Variants in RB1CC1 observed in about 807,000 individuals in gnomAD.
The protein encoded by RB1CC1 is RB1 inducible coiled-coil 1.
In RB1CC1, 46 loss-of-function variants were observed where a neutral mutation model predicts 177.5. The observed-to-expected ratio is 0.26, with a 90% confidence interval of 0.20 to 0.33. RB1CC1 has a LOEUF of 0.33. Ranked by LOEUF, RB1CC1 falls within the 10% of genes least tolerant of loss-of-function variation. The pLI, the probability that RB1CC1 is intolerant of heterozygous loss-of-function variation, is 1.00. For synonymous variants in RB1CC1, 666 were observed against 613.6 expected (o/e 1.09, Z -1.26); for missense variants, 1,703 against 1,816.3 (o/e 0.94, Z 1.13).
intron 1 of RB1CC1, among the ~76,000 whole-genome samples, chr8:52,709,132 G>A (rs1275836001): frequency 2.6e-5 from 4 of 151,832 alleles, no homozygotes; most frequent in East Asian, 1.9e-4. Flanking sequence ...GCTTGAACCC[G>A]GGAGTCAGAG....
Position 52,656,843 on chromosome 8 carries a change from G to C in RB1CC1, c.2986C>G (p.Gln996Glu). 6.2e-7 allele frequency: 1 copy of C among 1,613,710 alleles called. No homozygotes were observed. The highest frequency in any genetic ancestry group is 1.7e-4 in the Middle Eastern group (1 of 6,060). Residue 996 changes from glutamine to glutamate, a missense_variant, in exon 15 of 24, where the codon CAG (glutamine) becomes GAG (glutamate). Gln to Glu is a conservative substitution (Grantham distance 29). Coordinates refer to ENST00000025008, the MANE Select transcript of RB1CC1 (RefSeq NM_014781.5). Reference sequence around the variant, plus strand: ...TCAAACTCTTGTATGTGCCTAACCTGAAGTGTGTCCTCTAATTCCTTTAGA... The same window carrying C: ...TCAAACTCTTGTATGTGCCTAACCTCAAGTGTGTCCTCTAATTCCTTTAGA... Reference protein sequence around the residue: ...SHLKELEDTLQVRHIQEFEKV... With the variant: ...SHLKELEDTLEVRHIQEFEKV...
intron 11 of RB1CC1, 49 bp from the exon 12 acceptor site, chr8:52,660,706 C>T (rs1355767938): frequency 2.0e-6 from 3 of 1,482,718 alleles, no homozygotes; most frequent in Admixed American, 4.4e-5. Flanking sequence ...TTATTTAAGG[C>T]AAAAAATTAT....
intron 1 of RB1CC1, among the ~76,000 whole-genome samples, chr8:52,699,858 T>TATATATATATATATATATATATAC (rs756226534): frequency 3.9e-5 from 4 of 102,792 alleles, no homozygotes; most frequent in East Asian, 3.8e-4. Flanking sequence ...TATATATATA[T>TATATATATATATATATATATATAC]ACACACAAAA....
At chr8:52,686,616 T>C (rs1854297079) in intron 2 of RB1CC1, among the ~76,000 whole-genome samples, 1 of 152,118 alleles carries the variant, frequency 6.6e-6, no homozygotes, top group Non-Finnish European at 1.5e-5. Context: ...TGGTCTAGCA[T>C]TTTACTTTCA....
intron 7 of RB1CC1, among the ~76,000 whole-genome samples, chr8:52,672,217 C>A (rs192790510): frequency 1.3e-5 from 2 of 152,128 alleles, no homozygotes; most frequent in Non-Finnish European, 2.9e-5. Flanking sequence ...TCTTACCTCA[C>A]GTGATCCTCT....
intron 1 of RB1CC1, among the ~76,000 whole-genome samples, chr8:52,702,087 C>T (rs1468676183): frequency 6.6e-6 from 1 of 152,146 alleles, no homozygotes; most frequent in Non-Finnish European, 1.5e-5. Context: ...GGATTACAGG[C>T]GTGAGCCACC....
At chr8:52,665,564 G>C (rs1851995150) in intron 8 of RB1CC1, among the ~76,000 whole-genome samples, 1 of 152,110 alleles carries the variant, frequency 6.6e-6, no homozygotes, top group Admixed American at 6.5e-5. Context: ...ACCAAAAGAA[G>C]TATGGTTAAA....
chr8:52,666,554 C>T lies in RB1CC1; in HGVS notation c.1173+1467G>A, dbSNP rs4463443. 1.4e-4 allele frequency among the ~76,000 whole-genome samples: 21 copies of T among 151,150 alleles called. No individual in the cohort carries two copies. The East Asian group carries it at 3.1e-3, about 22-fold the overall frequency. ...AAAAGAAAGAAAGAAAGAAACACCA[C>T]CAAATATAAACAGACACACAGGAAC... On this transcript the variant is annotated intron_variant, in intron 8 of 23. Coordinates refer to ENST00000025008, the MANE Select transcript of RB1CC1 (RefSeq NM_014781.5).
At position 52,658,918 on chromosome 8, in the gene RB1CC1, T is replaced by C. The variant is rs1297210394; in HGVS notation, c.1748A>G (p.Gln583Arg). The C allele has an allele frequency of 3.1e-6, 5 of 1,589,712 alleles. No homozygotes were observed. The highest frequency in any genetic ancestry group is 3.4e-6 in the Non-Finnish European group (4 of 1,169,180). The change falls in exon 13 of 24, where the codon CAG becomes CGG. Residue 583 changes from glutamine (Q) to arginine (R), a missense_variant. Gln to Arg is a conservative substitution (Grantham distance 43, BLOSUM62 1). Transcript: ENST00000025008. Reference protein sequence around the residue: ...ELPDISLKDLQFLQSFCPSEV... With the variant: ...ELPDISLKDLRFLQSFCPSEV... ...CGAAGGACAAAATGATTGCAGAAAC[T>C]GTAAATCTTTTAATGAAATATCTGG...
chr8:52,637,674 T>A (rs1849255440), intron 18 of RB1CC1, among the ~76,000 whole-genome samples: 1 of 151,964 alleles, frequency 6.6e-6, no homozygotes, highest in Admixed American at 6.6e-5. Context: ...TTTATTTATT[T>A]ATTTATTTAT....
chr8:52,647,806 G>C (rs1850187917), intron 15 of RB1CC1, among the ~76,000 whole-genome samples: 1 of 152,294 alleles, frequency 6.6e-6, no homozygotes, highest in Admixed American at 6.5e-5. Context: ...GTTTGGTCTA[G>C]AGAATGATAT....
intron 15 of RB1CC1, among the ~76,000 whole-genome samples, chr8:52,651,359 A>T (rs925123230): frequency 2.0e-5 from 3 of 152,266 alleles, no homozygotes; most frequent in Admixed American, 1.3e-4. Flanking sequence ...CCATTCATTT[A>T]TATAGTCTCA....
chr8:52,627,931 A>T, intron 22 of RB1CC1, 101 bp downstream of exon 22: 2 of 1,048,580 alleles, frequency 1.9e-6, no homozygotes, highest in Non-Finnish European at 2.6e-6. Flanking sequence ...GTTCCCTCTT[A>T]GTGACTTAAT....
At chr8:52,631,598 C>T (rs971349866) in intron 20 of RB1CC1, among the ~76,000 whole-genome samples, 10 of 152,150 alleles carry the variant, frequency 6.6e-5, no homozygotes, top group African/African-American at 2.4e-4. Flanking sequence ...CACTGAGCAA[C>T]CCTTGCTGAC....
rs1849974030 is a variant in RB1CC1 at position 52,645,865 on chromosome 8, G to A, written c.3824C>T (p.Pro1275Leu). ...KHLENQIAKS[P>L]AIDSTRGDSS... ...ATCTCCTCTGGTAGAGTCAATGGCA[G>A]GACTTACAAATTAAATACAGCATTA... The change falls in exon 16 of 24, where the codon CCT becomes CTT. Residue 1275 changes from proline (P) to leucine (L), a missense_variant and splice_region_variant. By Grantham distance (98) the Pro-to-Leu change is moderately conservative (BLOSUM62 -3). Coordinates refer to ENST00000025008, the MANE Select transcript of RB1CC1 (RefSeq NM_014781.5). The A allele has an allele frequency of 7.0e-6, 11 of 1,579,874 alleles. No individual in the cohort carries two copies. Among genetic ancestry groups the A allele is most frequent in the East Asian group, 4.6e-5 (2 of 43,694 alleles).
In RB1CC1 at chr8:52,714,126, G is replaced by A. The variant is rs1325863324; in HGVS notation, c.-218C>T. ...GGCAGCAGCAGAGCCAGCGACCCCC[G>A]GCACCATCTTCCGCCGCCGCCTAGT... On this transcript the variant is annotated 5_prime_UTR_variant, in exon 1 of 24. Coordinates refer to ENST00000025008, the MANE Select transcript of RB1CC1 (RefSeq NM_014781.5). 9.3e-6 allele frequency: 3 copies of A among 324,126 alleles called. No homozygotes were observed. The highest frequency in any genetic ancestry group is 5.6e-4 in the Middle Eastern group (1 of 1,782). 20.1% of individuals were successfully genotyped at this position (324,126 alleles called of 1,614,324 possible).
At chr8:52,676,772 T>A (rs1027810395) in intron 5 of RB1CC1, among the ~76,000 whole-genome samples, 1 of 152,164 alleles carries the variant, frequency 6.6e-6, no homozygotes, top group Non-Finnish European at 1.5e-5. Context: ...CGAGCAGGTA[T>A]CCTAAGAGAC....
At chr8:52,701,498 C>A (rs990840415) in intron 1 of RB1CC1, among the ~76,000 whole-genome samples, 1 of 152,160 alleles carries the variant, frequency 6.6e-6, no homozygotes, top group African/African-American at 2.4e-5. Context: ...ACACTCTGAT[C>A]CAGTCAAAAC....
Position 52,653,694 on chromosome 8 carries a change from G to C in RB1CC1, c.3821+2314C>G, listed in dbSNP as rs147197346. Among the ~76,000 whole-genome samples the C allele has an allele frequency of 2.7e-3, 410 of 152,272 alleles. 1 individual carries two copies. Among genetic ancestry groups the C allele is most frequent in the Non-Finnish European group, 4.9e-3 (334 of 68,018 alleles). On this transcript the variant is annotated intron_variant, in intron 15 of 23. Coordinates refer to ENST00000025008, the MANE Select transcript of RB1CC1 (RefSeq NM_014781.5). ...AAGCTGAATAACCCTTATCGGAAAT[G>C]CTTGGCAGCAGAAGTGGTCTGAATT... is the stretch of plus-strand genomic sequence containing the variant.
Sources: allele counts gnomAD v4.1 joint callset (sites outside exome capture counted in the v4.1 genomes callset), GRCh38; gene constraint gnomAD v4.1.1; transcripts MANE v1.5; gene names NCBI Gene and HGNC (gene_info 2026-07-23, HGNC 2026-07-21).